The following DCDC2 variants were observed in gnomAD, a reference collection of about 807,000 sequenced individuals.
The protein encoded by DCDC2 is doublecortin domain containing 2.
A neutral mutation model predicts 50.2 loss-of-function variants in DCDC2; 40 were observed. The ratio of observed to expected loss-of-function variants is 0.80; its 90% CI spans 0.62 to 1.04. The LOEUF is 1.04. Among genes scored for constraint, DCDC2 ranks in the 50% least tolerant of loss-of-function variants. The pLI, the probability that DCDC2 is intolerant of heterozygous loss-of-function variation, is 0.00. For missense variants in DCDC2, 570 were observed against 581.9 expected (o/e 0.98, Z 0.21); for synonymous variants, 234 against 210.6 (o/e 1.11, Z -0.96).
At chr6:24,193,022 A>C (rs1459313600) in intron 8 of DCDC2, among the ~76,000 whole-genome samples, 1 of 152,138 alleles carries the variant, frequency 6.6e-6, no homozygotes, top group Non-Finnish European at 1.5e-5. Flanking sequence ...AAAGGGTTAC[A>C]TTTAAAGAAA....
chr6:24,359,115 TTATATATATTA>T (rs1173482496), upstream of DCDC2, among the ~76,000 whole-genome samples: 4 of 59,546 alleles, frequency 6.7e-5, no homozygotes, highest in African/African-American at 4.6e-4. Flanking sequence ...ATATTATATA[TTATATATATTA>T]TATATTTTAT....
chr6:24,238,361 C>T (rs147044106), intron 7 of DCDC2, among the ~76,000 whole-genome samples: 10 of 150,882 alleles, frequency 6.6e-5, no homozygotes, highest in Non-Finnish European at 1.3e-4. Flanking sequence ...TGTGGTGGCA[C>T]GATCTTGGCT....
At chr6:24,227,534 G>T (rs894079444) in intron 7 of DCDC2, among the ~76,000 whole-genome samples, 1 of 152,194 alleles carries the variant, frequency 6.6e-6, no homozygotes, top group Non-Finnish European at 1.5e-5. Context: ...CACCCTGAGG[G>T]TTAATCAGAG....
chr6:24,287,477 C>T (rs913138697), intron 6 of DCDC2, among the ~76,000 whole-genome samples: 9 of 152,180 alleles, frequency 5.9e-5, no homozygotes, highest in African/African-American at 1.9e-4. Context: ...GTCACTTCTA[C>T]TCTGTGTACT....
chr6:24,331,580 CTAAA>C (rs1161016509), intron 2 of DCDC2, among the ~76,000 whole-genome samples: 1 of 152,012 alleles, frequency 6.6e-6, no homozygotes, highest in Non-Finnish European at 1.5e-5. Context: ...TTTATTATAT[CTAAA>C]TAGATATTTG....
At chr6:24,186,956 C>G (rs1761217238) in intron 8 of DCDC2, among the ~76,000 whole-genome samples, 1 of 152,128 alleles carries the variant, frequency 6.6e-6, no homozygotes, top group Non-Finnish European at 1.5e-5. Flanking sequence ...ACAAACCAAC[C>G]CTGCCAACAC....
chr6:24,272,594 CCAA>C (rs974653935), intron 7 of DCDC2, among the ~76,000 whole-genome samples: 2 of 152,064 alleles, frequency 1.3e-5, no homozygotes, highest in Non-Finnish European at 2.9e-5. Context: ...ATAAAAATGG[CCAA>C]CAAGCATTTG....
At chr6:24,349,982 T>TC (rs1009937972) in intron 2 of DCDC2, among the ~76,000 whole-genome samples, 21 of 151,758 alleles carry the variant, frequency 1.4e-4, no homozygotes, top group Non-Finnish European at 2.1e-4. Flanking sequence ...GTTTCTTTAT[T>TC]CCCCCCCTCC....
At chr6:24,361,072 CT>C (rs971995405), upstream of DCDC2, among the ~76,000 whole-genome samples, 57 of 151,790 alleles carry the variant, frequency 3.8e-4, no homozygotes, top group African/African-American at 1.2e-3. Context: ...TGGAGAGAAA[CT>C]TTTTTTTTCC....
intron 2 of DCDC2, among the ~76,000 whole-genome samples, chr6:24,326,317 A>G (rs1401367609): frequency 6.7e-6 from 1 of 149,020 alleles, no homozygotes; most frequent in Non-Finnish European, 1.5e-5. Context: ...AATGTTAAAA[A>G]GAGTCTCCAT....
At position 24,353,657 on chromosome 6, in the gene DCDC2, T is replaced by C. The variant is rs765283738; in HGVS notation, c.294-34A>G. ...AAAACAAACAAACAATAAGAGTTGC[T>C]TTTATAGACTTTAAGTCAGTAATTT... On this transcript the variant is annotated intron_variant, in intron 1 of 9. Coordinates refer to ENST00000378454, the MANE Select transcript of DCDC2 (RefSeq NM_016356.5). 4 of 1,320,822 alleles carry C rather than the reference T, an allele frequency of 3.0e-6. No homozygotes were observed. In the South Asian group the frequency reaches 4.2e-5, roughly 14 times the overall value. 81.8% of individuals were successfully genotyped at this position (1,320,822 alleles called of 1,614,324 possible). A position where few individuals can be genotyped will look rare whatever the true frequency, so the allele number is the denominator to read the frequency against.
intron 9 of DCDC2, among the ~76,000 whole-genome samples, chr6:24,175,589 G>C (rs971121399): frequency 6.6e-6 from 1 of 152,236 alleles, no homozygotes; most frequent in African/African-American, 2.4e-5. Context: ...TATATGACTG[G>C]TGCCGTGTCT....
Position 24,234,487 on chromosome 6 carries a change from G to A in DCDC2, c.923-29385C>T, listed in dbSNP as rs79436294. On this transcript the variant is annotated intron_variant, in intron 7 of 9. Transcript: ENST00000378454. ...AACGAGTGCAGAACAAAACTCAGAAGGCAAAGCCCAGAAGAAAGGGCACCT... is the reference window on the plus strand; with the variant it reads ...AACGAGTGCAGAACAAAACTCAGAAAGCAAAGCCCAGAAGAAAGGGCACCT... 1.1e-3 allele frequency among the ~76,000 whole-genome samples: 175 copies of A among 152,206 alleles called. 1 individual carries two copies. Among genetic ancestry groups the A allele is most frequent in the Non-Finnish European group, 1.8e-3 (121 of 68,002 alleles).
intron 7 of DCDC2, among the ~76,000 whole-genome samples, chr6:24,245,429 G>C (rs2113794732): frequency 6.6e-6 from 1 of 152,250 alleles, no homozygotes; most frequent in East Asian, 1.9e-4. Context: ...CATCTCTCTG[G>C]AGTCTTTGAG....
At chr6:24,281,874 TAAG>T (rs1473610698) in intron 6 of DCDC2, among the ~76,000 whole-genome samples, 1 of 152,212 alleles carries the variant, frequency 6.6e-6, no homozygotes, top group African/African-American at 2.4e-5. Context: ...AATTTATAGA[TAAG>T]TATTATTATC....
At chr6:24,239,936 A>G (rs1762530747) in intron 7 of DCDC2, among the ~76,000 whole-genome samples, 1 of 152,164 alleles carries the variant, frequency 6.6e-6, no homozygotes, top group African/African-American at 2.4e-5. Flanking sequence ...ACATATAATA[A>G]TATCATTCTG....
upstream of DCDC2, among the ~76,000 whole-genome samples, chr6:24,359,460 TATACTATATA>T (rs1760614599): frequency 4.4e-5 from 2 of 44,964 alleles, no homozygotes; most frequent in African/African-American, 8.7e-5. Context: ...TATATTTATA[TATACTATATA>T]ATATATATTT....
At chr6:24,176,290 T>G (rs759808369) in intron 9 of DCDC2, among the ~76,000 whole-genome samples, 2 of 149,994 alleles carry the variant, frequency 1.3e-5, no homozygotes, top group Non-Finnish European at 3.0e-5. Context: ...AGTGAGACCT[T>G]GTCACAAAAA....
chr6:24,362,443 CA>C (rs1760684259), upstream of DCDC2, among the ~76,000 whole-genome samples: 5 of 124,058 alleles, frequency 4.0e-5, no homozygotes, highest in African/African-American at 1.6e-4. Flanking sequence ...TATATTTATA[CA>C]ATTATTTTTT....
Sources: allele counts gnomAD v4.1 joint callset (sites outside exome capture counted in the v4.1 genomes callset), GRCh38; gene constraint gnomAD v4.1.1; transcripts MANE v1.5; gene names NCBI Gene and HGNC (gene_info 2026-07-23, HGNC 2026-07-21).